BRF1: variants seen among roughly 807,000 people sequenced by gnomAD.
The protein encoded by BRF1 is transcription factor IIIB 90 kDa subunit.
A neutral mutation model predicts 81.7 loss-of-function variants in BRF1; 59 were observed. That is an observed-to-expected ratio of 0.72 (90% CI 0.59 to 0.90). BRF1 has a LOEUF of 0.90. Ranked by LOEUF, BRF1 falls within the 40% of genes least tolerant of loss-of-function variation. BRF1 has a pLI of 0.00. For missense variants in BRF1, 1,050 were observed against 936.3 expected (o/e 1.12, Z -1.58); for synonymous variants, 491 against 395.6 (o/e 1.24, Z -2.86).
chr14:105,248,563 A>ACGGGCTCGGGCGGGCGGGCGGG, intron 5 of BRF1: 1 of 263,638 alleles, frequency 3.8e-6, no homozygotes, highest in Non-Finnish European at 4.5e-6. Context: ...CGCGGCGGGT[A>ACGGGCTCGGGCGGGCGGGCGGG]CGGGCTCGGG....
chr14:105,213,789 A>C (rs587752454), intron 15 of BRF1, among the ~76,000 whole-genome samples: 1 of 152,310 alleles, frequency 6.6e-6, no homozygotes, highest in East Asian at 1.9e-4. Context: ...ACTCCTGCAG[A>C]ACCCGGCTGG....
In BRF1 at chr14:105,229,619, CTAGAA is replaced by C. The variant is rs2054399175; in HGVS notation, c.695-711_695-707del. On this transcript the variant is annotated intron_variant, in intron 6 of 17. Transcript: ENST00000547530. ...GACCTGGGGGGTCACAGAGGTCCAA[CTAGAA>C]CAGTCGCCCAGCTGGGGGCGGGGGA... 7.2e-5 allele frequency among the ~76,000 whole-genome samples: 11 copies of C among 152,362 alleles called. No individual in the cohort carries two copies. The East Asian group carries it at 1.5e-3, about 21-fold the overall frequency.
At position 105,309,568 on chromosome 14, in the gene BRF1, A is replaced by G. The variant is rs1045972058; in HGVS notation, c.-162+5754T>C. On this transcript the variant is annotated intron_variant, in intron 1 of 17. Transcript: ENST00000327359. The surrounding 1 kb of genome is among the most constrained non-coding windows in gnomAD (Gnocchi z 4.0). ...ACCTGCAGGATGCCATGGGATACCCATGAGCCCAGGCAAATCTCCCAAGAC... is the reference window on the plus strand; with the variant it reads ...ACCTGCAGGATGCCATGGGATACCCGTGAGCCCAGGCAAATCTCCCAAGAC... 6.6e-6 allele frequency among the ~76,000 whole-genome samples: 1 copy of G among 152,112 alleles called. No homozygotes were observed. Among genetic ancestry groups the G allele is most frequent in the Non-Finnish European group, 1.5e-5 (1 of 68,024 alleles).
At chr14:105,214,953 G>A (rs1890841612) in intron 15 of BRF1, among the ~76,000 whole-genome samples, 1 of 152,200 alleles carries the variant, frequency 6.6e-6, no homozygotes, top group Admixed American at 6.5e-5. Context: ...TCTGTCCCCA[G>A]GTAGACCCCC....
At chr14:105,229,246 C>T (rs12431709) in intron 6 of BRF1, among the ~76,000 whole-genome samples, 11,415 of 152,282 alleles carry the variant, frequency 0.075, 563 homozygotes, top group South Asian at 0.16. Context: ...GAGCTGGGGA[C>T]TCTGAGGATG....
intron 1 of BRF1, among the ~76,000 whole-genome samples, chr14:105,310,955 C>T (rs759023697): frequency 1.3e-5 from 2 of 152,114 alleles, no homozygotes; most frequent in Non-Finnish European, 2.9e-5. Flanking sequence ...TTTTCACATA[C>T]ATTTTTGTTT....
Position 105,300,437 on chromosome 14 carries a change from G to A in BRF1, c.184+9C>T. On this transcript the variant is annotated intron_variant, in intron 1 of 17. Coordinates refer to ENST00000547530, the MANE Select transcript of BRF1 (RefSeq NM_001519.4). ...AGAAATCCGCGCAGCGCCAGCCCGC[G>A]GGACTCACCGTCCAGGGACACGAAC... 14 of 1,517,682 alleles carry A rather than the reference G, an allele frequency of 9.2e-6. No individual in the cohort carries two copies. The highest frequency in any genetic ancestry group is 1.2e-5 in the Non-Finnish European group (14 of 1,138,496). 94.0% of individuals were successfully genotyped at this position (1,517,682 alleles called of 1,614,324 possible).
At position 105,226,629 on chromosome 14, in the gene BRF1, G is replaced by C. The variant is rs758038542; in HGVS notation, c.915+5C>G. ...AGCACAGACAGACACCAAAGCCGGC[G>C]CTACCTGCTTCATCCGCAGCTTCCT... is the stretch of plus-strand genomic sequence containing the variant. On this transcript the variant is annotated splice_donor_5th_base_variant and intron_variant, in intron 8 of 17. Transcript: ENST00000547530. The C allele has an allele frequency of 8.7e-6, 14 of 1,612,910 alleles. No homozygotes were observed. Among genetic ancestry groups the C allele is most frequent in the Non-Finnish European group, 2.5e-6 (3 of 1,180,012 alleles).
chr14:105,249,457 C>T, intron 5 of BRF1: 1 of 1,613,640 alleles, frequency 6.2e-7, no homozygotes. Flanking sequence ...GTGGAGCCCG[C>T]AGCCTTTCTG....
In BRF1 at chr14:105,309,003, AAACAAAACCT is replaced by A. The variant is rs587602437; in HGVS notation, c.-162+6309_-162+6318del. On this transcript the variant is annotated intron_variant, in intron 1 of 17. Transcript: ENST00000327359. The surrounding 1 kb of genome is among the most constrained non-coding windows in gnomAD (Gnocchi z 4.0). ...ACAAAAGAAAAAAAAAGAAAAAGAC[AAACAAAACCT>A]AACAAAACCAGAAATCCATCCTGCA... is the stretch of plus-strand genomic sequence containing the variant. Among the ~76,000 whole-genome samples the A allele has an allele frequency of 5.8e-4, 88 of 152,180 alleles. No individual in the cohort carries two copies. Among genetic ancestry groups the A allele is most frequent in the African/African-American group, 1.5e-3 (63 of 41,532 alleles).
At chr14:105,281,870 T>G (rs913561603) in intron 2 of BRF1, among the ~76,000 whole-genome samples, 1 of 151,928 alleles carries the variant, frequency 6.6e-6, no homozygotes, top group African/African-American at 2.4e-5. Flanking sequence ...ATTTGTCAGG[T>G]GGTTCATGGA....
At chr14:105,310,484 G>A (rs1185413375) in intron 1 of BRF1, among the ~76,000 whole-genome samples, 1 of 146,444 alleles carries the variant, frequency 6.8e-6, no homozygotes, top group East Asian at 2.0e-4. Flanking sequence ...GAGCTGAGAT[G>A]GCACCACTGC....
At chr14:105,248,282 G>A in intron 5 of BRF1, 3 of 985,468 alleles carry the variant, frequency 3.0e-6, no homozygotes, top group South Asian at 9.4e-5. Flanking sequence ...AATGCAAATG[G>A]CCAAACAAGC....
intron 1 of BRF1, among the ~76,000 whole-genome samples, chr14:105,310,084 A>T (rs1418942304): frequency 1.3e-5 from 2 of 151,296 alleles, no homozygotes; most frequent in East Asian, 3.9e-4. Flanking sequence ...GCACCCAGCC[A>T]TGTGCATCTT....
chr14:105,221,309 T>C (rs1277881896), intron 11 of BRF1, among the ~76,000 whole-genome samples: 2 of 152,166 alleles, frequency 1.3e-5, no homozygotes, highest in African/African-American at 2.4e-5. Context: ...CCGACCATGT[T>C]GGACAAGCGG....
Position 105,228,881 on chromosome 14 carries a change from T to C in BRF1, c.727A>G (p.Arg243Gly). The part of the protein sequence containing the change: ...LLVAARMHDF[R>G]RTVKEVISVV... The stretch of plus-strand genomic sequence containing the variant: ...CTGATGACCTCCTTCACAGTCCTCC[T>C]GAAGTCATGCATTCTGGCTGCAACC... Residue 243 changes from arginine to glycine, a missense_variant, in exon 7 of 18, where the codon AGG becomes GGG. By Grantham distance (125) the Arg-to-Gly change is moderately radical (BLOSUM62 -2). This residue lies in a region of BRF1 where 1,043 missense variants were observed against 915.4 expected (regional missense o/e 1.14). Coordinates refer to ENST00000547530, the MANE Select transcript of BRF1 (RefSeq NM_001519.4). The C allele has an allele frequency of 1.2e-6, 2 of 1,613,836 alleles. No homozygotes were observed. The highest frequency in any genetic ancestry group is 1.7e-6 in the Non-Finnish European group (2 of 1,180,000).
chr14:105,300,542 A>C lies in BRF1; in HGVS notation c.88T>G (p.Ser30Ala). The C allele has an allele frequency of 6.6e-7, 1 of 1,525,220 alleles. No homozygotes were observed. The highest frequency in any genetic ancestry group is 8.8e-7 in the Non-Finnish European group (1 of 1,139,900). The allele number at this position is 1,525,220 out of a possible 1,614,324, so 94.5% of individuals were successfully genotyped here. The change falls in exon 1 of 18, where the codon TCA becomes GCA. Residue 30 changes from serine (S) to alanine (A), a missense_variant. By Grantham distance (99) the Ser-to-Ala change is moderately conservative (BLOSUM62 1). Coordinates refer to ENST00000547530, the MANE Select transcript of BRF1 (RefSeq NM_001519.4). ...ACGATGATGTTGTCCTCCAGCACTG[A>C]GCCGCAGGCGGTGCACACCGCGTCC... ...RGDAVCTACG[S>A]VLEDNIIVSE... is the part of the protein sequence containing the mutation.
At position 105,211,167 on chromosome 14, in the gene BRF1, C is replaced by T. The variant is rs1427007876; in HGVS notation, c.1951G>A (p.Asp651Asn). Residue 651 changes from aspartate (D) to asparagine (N), a missense_variant, in exon 17 of 18, where the codon GAC becomes AAC. By Grantham distance (23) the Asp-to-Asn change is conservative. Coordinates refer to ENST00000547530, the MANE Select transcript of BRF1 (RefSeq NM_001519.4). The part of the protein sequence containing the change: ...EADEEEPDEE[D>N]GEPCVSALQM... ...AGGGCACTGACGCAGGGCTCCCCGTCCTCCTCGTCAGGCTCCTCCTCGTCA... is the reference window on the plus strand; with the variant it reads ...AGGGCACTGACGCAGGGCTCCCCGTTCTCCTCGTCAGGCTCCTCCTCGTCA... 2 of 1,612,558 alleles carry T rather than the reference C, an allele frequency of 1.2e-6. No individual in the cohort carries two copies. Among genetic ancestry groups the T allele is most frequent in the Non-Finnish European group, 1.7e-6 (2 of 1,179,872 alleles).
chr14:105,219,939 A>G (rs1403768870), intron 12 of BRF1, 130 bp downstream of exon 12: 4 of 951,328 alleles, frequency 4.2e-6, no homozygotes, highest in Middle Eastern at 2.2e-4. Context: ...GAAGGCCAGG[A>G]GCCCACTTCA....
Sources: allele counts gnomAD v4.1 joint callset (sites outside exome capture counted in the v4.1 genomes callset), GRCh38; gene constraint gnomAD v4.1.1; regional missense constraint gnomAD v4.1.1; non-coding constraint Gnocchi (gnomAD v3.1); transcripts MANE v1.5; gene names NCBI Gene and HGNC (gene_info 2026-07-23, HGNC 2026-07-21).